APP: variants seen among roughly 807,000 people sequenced by gnomAD.
The protein encoded by APP is amyloid-beta precursor protein.
Under a neutral mutation model 101.4 loss-of-function variants are expected in APP, and 31 were observed. The ratio of observed to expected loss-of-function variants is 0.31; its 90% CI spans 0.23 to 0.41. APP has a LOEUF of 0.41. Among genes scored for constraint, APP ranks in the 10% least tolerant of loss-of-function variants. APP has a pLI of 1.00. For missense variants in APP, 839 were observed against 1,003.7 expected (o/e 0.84, Z 2.22); for synonymous variants, 366 against 364.4 (o/e 1.00, Z -0.05).
intron 2 of APP, among the ~76,000 whole-genome samples, chr21:26,097,765 G>A (rs1163511034): frequency 6.6e-6 from 1 of 152,138 alleles, no homozygotes; most frequent in African/African-American, 2.4e-5. Flanking sequence ...GAAAGTGAAT[G>A]TATCAGTACA....
At chr21:25,969,067 C>A (rs968835537) in intron 11 of APP, among the ~76,000 whole-genome samples, 25 of 151,838 alleles carry the variant, frequency 1.6e-4, no homozygotes, top group Non-Finnish European at 3.7e-4. Flanking sequence ...CTCAAGAAGG[C>A]ATTTAATTAC....
rs150582066 is a variant in APP, at chr21:26,081,396, G to A, written c.355+8547C>T. Among the ~76,000 whole-genome samples the A allele has an allele frequency of 2.9e-3, 441 of 151,318 alleles. 15 individuals carry two copies. The East Asian group carries it at 0.072, about 25-fold the overall frequency. ...TGCAGTCAAAGGGGGTTGTTCTCTG[G>A]GGGGCAGGGGTGGGGGTCACAGGGT... On this transcript the variant is annotated intron_variant, in intron 3 of 17. Transcript: ENST00000346798.
At position 25,900,723 on chromosome 21, in the gene APP, C is replaced by T. The variant is rs185046626; in HGVS notation, c.1964-3050G>A. 3.2e-3 allele frequency among the ~76,000 whole-genome samples: 482 copies of T among 152,144 alleles called. 12 individuals are homozygous for T. The highest frequency in any genetic ancestry group is 0.027 in the Admixed American group (413 of 15,258). ...ATAAAAGTAAAGAATGAGCTCTGGC[C>T]GGGCACAGTGGCTCACACCTGTAAT... On this transcript the variant is annotated intron_variant, in intron 15 of 17. Transcript: ENST00000346798.
At position 25,897,611 on chromosome 21, in the gene APP, G is replaced by T; in HGVS notation, c.2026C>A (p.Arg676=). The change falls in exon 16 of 18, where the codon CGA becomes AGA. Residue 676 remains arginine (R), a synonymous_variant. Transcript: ENST00000346798. The part of the protein sequence containing the change: ...ISEVKMDAEF[R]HDSGYEVHHQ... Reference sequence around the variant, plus strand: ...TGAACTTCATATCCTGAGTCATGTCGGAATTCTGCATCCATCTTCACTTCA... The same window carrying T: ...TGAACTTCATATCCTGAGTCATGTCTGAATTCTGCATCCATCTTCACTTCA... 6.2e-7 allele frequency: 1 copy of T among 1,613,900 alleles called. No homozygotes were observed. The highest frequency in any genetic ancestry group is 2.2e-5 in the East Asian group (1 of 44,864).
chr21:26,165,860 TCTA>T (rs2063596773), intron 1 of APP, among the ~76,000 whole-genome samples: 1 of 152,196 alleles, frequency 6.6e-6, no homozygotes. Context: ...AGCTAGCTAA[TCTA>T]CTAAGCATCC....
intron 6 of APP, among the ~76,000 whole-genome samples, chr21:26,017,960 T>C (rs1404826621): frequency 6.6e-6 from 1 of 152,138 alleles, no homozygotes; most frequent in Admixed American, 6.5e-5. Context: ...TTTTTATTTT[T>C]TTGAGACAGG....
intron 1 of APP, among the ~76,000 whole-genome samples, chr21:26,167,297 G>A (rs766594135): frequency 1.3e-5 from 2 of 152,082 alleles, no homozygotes; most frequent in Admixed American, 6.6e-5. Context: ...GTATGCAGTC[G>A]AACTAAACCT....
intron 13 of APP, among the ~76,000 whole-genome samples, chr21:25,950,654 G>C (rs750849366): frequency 6.6e-6 from 1 of 151,682 alleles, no homozygotes; most frequent in Non-Finnish European, 1.5e-5. Context: ...TGTTTTTTTT[G>C]TTTTGTCTTT....
At chr21:25,953,629 AG>A (rs1477453223) in intron 13 of APP, among the ~76,000 whole-genome samples, 3 of 152,256 alleles carry the variant, frequency 2.0e-5, no homozygotes, top group Non-Finnish European at 2.9e-5. Flanking sequence ...CTAAATCTCC[AG>A]TATAGGTACA....
rs572434755 is a variant in APP at position 26,145,482 on chromosome 21, T to G, written c.57+25082A>C. 1.6e-3 allele frequency among the ~76,000 whole-genome samples: 245 copies of G among 152,276 alleles called. 2 individuals are homozygous for G. The Middle Eastern group carries it at 0.017, about 11-fold the overall frequency. On this transcript the variant is annotated intron_variant, in intron 1 of 17. Coordinates refer to ENST00000346798, the MANE Select transcript of APP (RefSeq NM_000484.4). ...AGAATCTACTGCCAGGAAGCAGCACTCAGGCAGTAATGCTCACTGGCTCAC... is the reference window on the plus strand; with the variant it reads ...AGAATCTACTGCCAGGAAGCAGCACGCAGGCAGTAATGCTCACTGGCTCAC...
At chr21:26,084,324 C>T (rs1484064414) in intron 3 of APP, among the ~76,000 whole-genome samples, 4 of 150,692 alleles carry the variant, frequency 2.7e-5, no homozygotes, top group Non-Finnish European at 5.9e-5. Flanking sequence ...CGGCAAGCTC[C>T]GCCTCCCGGG....
rs556460796 is a variant in APP, at chr21:26,004,535, G to A, written c.866-4353C>T. Among the ~76,000 whole-genome samples the A allele has an allele frequency of 3.5e-3, 531 of 152,070 alleles. 4 individuals are homozygous for A. The highest frequency in any genetic ancestry group is 0.012 in the African/African-American group (484 of 41,478). ...TCTCGATCTCCTGACCTCATGATCCGCCTGCCTTGGCCTCCCAAAGTGCTG... is the reference window on the plus strand; with the variant it reads ...TCTCGATCTCCTGACCTCATGATCCACCTGCCTTGGCCTCCCAAAGTGCTG... On this transcript the variant is annotated intron_variant, in intron 6 of 17. Transcript: ENST00000346798.
intron 1 of APP, among the ~76,000 whole-genome samples, chr21:26,118,017 T>C (rs1052595349): frequency 6.6e-6 from 1 of 152,196 alleles, no homozygotes; most frequent in African/African-American, 2.4e-5. Flanking sequence ...TCTGTTGATA[T>C]TAGATTGGTG....
At chr21:25,957,216 C>G (rs2041359107) in intron 11 of APP, among the ~76,000 whole-genome samples, 1 of 152,186 alleles carries the variant, frequency 6.6e-6, no homozygotes, top group Admixed American at 6.5e-5. Context: ...CTTATTACAA[C>G]TCTCATCTGA....
At chr21:25,901,817 C>T (rs1390071122) in intron 15 of APP, among the ~76,000 whole-genome samples, 1 of 96,884 alleles carries the variant, frequency 1.0e-5, no homozygotes, top group Non-Finnish European at 2.0e-5. Flanking sequence ...TCCTTCATGA[C>T]ACCTCTTGCA....
intron 5 of APP, among the ~76,000 whole-genome samples, chr21:26,036,746 T>C (rs2045129247): frequency 6.6e-6 from 1 of 152,160 alleles, no homozygotes; most frequent in Non-Finnish European, 1.5e-5. Flanking sequence ...AAAGCTCTGT[T>C]CTAGTACAAC....
At chr21:26,097,678 T>C (rs2061974171) in intron 2 of APP, among the ~76,000 whole-genome samples, 1 of 152,224 alleles carries the variant, frequency 6.6e-6, no homozygotes, top group African/African-American at 2.4e-5. Context: ...TCACTTGGGC[T>C]AATGGGGCCC....
intron 11 of APP, among the ~76,000 whole-genome samples, chr21:25,959,808 A>T (rs995780299): frequency 1.3e-5 from 2 of 152,226 alleles, no homozygotes; most frequent in Non-Finnish European, 2.9e-5. Context: ...TGTGACATTC[A>T]TGGTTTCTAG....
At chr21:26,096,841 G>A (rs1024668713) in intron 2 of APP, among the ~76,000 whole-genome samples, 15 of 152,132 alleles carry the variant, frequency 9.9e-5, no homozygotes, top group Non-Finnish European at 2.1e-4. Context: ...AAAACCATGG[G>A]TGGACTCAAA....
Sources: allele counts gnomAD v4.1 joint callset (sites outside exome capture counted in the v4.1 genomes callset), GRCh38; gene constraint gnomAD v4.1.1; transcripts MANE v1.5; gene names NCBI Gene and HGNC (gene_info 2026-07-23, HGNC 2026-07-21).